Variants in TGFB1 observed in about 807,000 individuals in gnomAD.
TGFB1 encodes the protein transforming growth factor beta-1 proprotein.
TGFB1 carries 19 observed loss-of-function variants against 43.8 expected under a neutral mutation model. That is an observed-to-expected ratio of 0.43 (90% CI 0.30 to 0.64). TGFB1 has a LOEUF of 0.64. Ranked by LOEUF, TGFB1 falls within the 30% of genes least tolerant of loss-of-function variation. The pLI, the probability that TGFB1 is intolerant of heterozygous loss-of-function variation, is 0.11. For missense variants in TGFB1, 445 were observed against 529.8 expected (o/e 0.84, Z 1.57); for synonymous variants, 221 against 236.3 (o/e 0.94, Z 0.60).
intron 5 of TGFB1, among the ~76,000 whole-genome samples, chr19:41,333,095 TCAGA>T (rs2037951519): frequency 3.3e-5 from 5 of 152,006 alleles, no homozygotes; most frequent in Admixed American, 6.5e-5. Context: ...TGTCTGTTCC[TCAGA>T]CAGTCTTATT....
chr19:41,342,112 G>A, intron 4 of TGFB1, 58 bp downstream of exon 4: 2 of 1,612,326 alleles, frequency 1.2e-6, no homozygotes, highest in Non-Finnish European at 8.5e-7. Flanking sequence ...TGGGGCAGAT[G>A]GGAACACACA....
rs59416536 is a variant in TGFB1 at position 41,348,575 on chromosome 19, TTTTA to T, written c.356-124_356-121del. 0.26 allele frequency: 73,056 copies of T among 285,752 alleles called. 16,331 individuals are homozygous for T. Among genetic ancestry groups the T allele is most frequent in the Admixed American group, 0.44 (7,673 of 17,338 alleles). 17.7% of individuals were successfully genotyped at this position (285,752 alleles called of 1,614,324 possible). On this transcript the variant is annotated intron_variant, in intron 1 of 6. Coordinates refer to ENST00000221930, the MANE Select transcript of TGFB1 (RefSeq NM_000660.7). ...TGGGGTGGAGTCAGTCTCTGATACC[TTTTA>T]TTTATTTATTTATTTATTTATTTAT...
chr19:41,344,906 G>A, intron 2 of TGFB1, 42 bp from the exon 3 acceptor site: 1 of 1,508,328 alleles, frequency 6.6e-7, no homozygotes, highest in Non-Finnish European at 9.0e-7. Context: ...TGGGTAGATG[G>A]TGTCACGACC....
At chr19:41,350,145 C>T (rs1259314277) in intron 1 of TGFB1, among the ~76,000 whole-genome samples, 1 of 152,018 alleles carries the variant, frequency 6.6e-6, no homozygotes, top group African/African-American at 2.4e-5. Context: ...CACACCCACC[C>T]AGCTAGAGAC....
rs1317761935 is a variant in TGFB1, at chr19:41,353,338, G to A, written c.-294C>T. The A allele has an allele frequency of 8.0e-6, 3 of 376,602 alleles. No individual in the cohort carries two copies. Among genetic ancestry groups the A allele is most frequent in the Non-Finnish European group, 1.4e-5 (3 of 208,920 alleles). The allele number at this position is 376,602 out of a possible 1,614,324, so 23.3% of individuals were successfully genotyped here. A position where few individuals can be genotyped will look rare whatever the true frequency, so the allele number is the denominator to read the frequency against. On this transcript the variant is annotated 5_prime_UTR_variant, in exon 1 of 7. Transcript: ENST00000221930. The surrounding 1 kb of genome is among the most constrained non-coding windows in gnomAD (Gnocchi z 5.9). ...GAGATCCGTCTCCTGGAGGAGAAAG[G>A]GTCTAGGATGCGCGGGGGCTCAGGA...
chr19:41,337,467 G>C (rs918148686), intron 5 of TGFB1, among the ~76,000 whole-genome samples: 25 of 151,682 alleles, frequency 1.6e-4, no homozygotes, highest in African/African-American at 5.8e-4. Flanking sequence ...AGTACAGACA[G>C]GGTTTCACCA....
intron 5 of TGFB1, among the ~76,000 whole-genome samples, chr19:41,338,051 G>A (rs1166275354): frequency 6.6e-6 from 1 of 151,480 alleles, no homozygotes; most frequent in East Asian, 1.9e-4. Context: ...AATTACCCGG[G>A]TGCGATGGCG....
At chr19:41,332,008 T>G in intron 6 of TGFB1, 120 bp downstream of exon 6, 3 of 983,096 alleles carry the variant, frequency 3.1e-6, no homozygotes, top group Non-Finnish European at 4.5e-6. Flanking sequence ...CCCCACCCCA[T>G]CCCTCTCTTT....
At chr19:41,346,083 G>A (rs1002842450) in intron 2 of TGFB1, among the ~76,000 whole-genome samples, 2 of 152,066 alleles carry the variant, frequency 1.3e-5, no homozygotes, top group African/African-American at 4.8e-5. Flanking sequence ...AGGCACAGTC[G>A]CTCACGCTTG....
intron 5 of TGFB1, among the ~76,000 whole-genome samples, chr19:41,334,953 A>G (rs1233443587): frequency 6.6e-6 from 1 of 151,686 alleles, no homozygotes; most frequent in Non-Finnish European, 1.5e-5. Context: ...TCATATGCAC[A>G]TGTGTGTATG....
intron 6 of TGFB1, among the ~76,000 whole-genome samples, chr19:41,331,434 G>T (rs1489220011): frequency 6.6e-6 from 1 of 151,900 alleles, no homozygotes; most frequent in Non-Finnish European, 1.5e-5. Context: ...ACTGGGTCTC[G>T]CTCTGCCACC....
At chr19:41,332,363 G>A in intron 5 of TGFB1, 82 bp from the exon 6 acceptor site, 1 of 1,519,336 alleles carries the variant, frequency 6.6e-7, no homozygotes, top group Non-Finnish European at 8.9e-7. Flanking sequence ...AGGTGCGTGT[G>A]TCACCCTAGG....
chr19:41,350,399 G>C (rs1304129180), intron 1 of TGFB1, among the ~76,000 whole-genome samples: 1 of 150,568 alleles, frequency 6.6e-6, no homozygotes, highest in Non-Finnish European at 1.5e-5. Context: ...CTGCCTCCCA[G>C]GTTCAAGCGA....
intron 4 of TGFB1, 30 bp from the exon 5 acceptor site, chr19:41,342,060 G>C: frequency 6.2e-7 from 1 of 1,614,180 alleles, no homozygotes; most frequent in Non-Finnish European, 8.5e-7. Flanking sequence ...AGGGGATAGG[G>C]GACATACACA....
chr19:41,346,219 G>A (rs1050228024), intron 2 of TGFB1, among the ~76,000 whole-genome samples: 2 of 151,968 alleles, frequency 1.3e-5, no homozygotes, highest in Non-Finnish European at 2.9e-5. Flanking sequence ...GTGTGGTGGT[G>A]CATGCCTGTA....
At position 41,341,994 on chromosome 19, in the gene TGFB1, A is replaced by C. The variant is rs757193903; in HGVS notation, c.749T>G (p.Ile250Ser). The C allele has an allele frequency of 3.1e-6, 5 of 1,614,096 alleles. No homozygotes were observed. The highest frequency in any genetic ancestry group is 2.7e-5 in the African/African-American group (2 of 74,930). Reference protein sequence around the residue: ...TTGRRGDLATIHGMNRPFLLL... With the variant: ...TTGRRGDLATSHGMNRPFLLL... ...CAGGAAAGGCCGGTTCATGCCATGA[A>C]TGGTGGCCAGGTCACCTCGGCGGCC... The change falls in exon 5 of 7, where the codon ATT becomes AGT. Residue 250 changes from isoleucine to serine, a missense_variant. This residue lies in a region of TGFB1 where 366 missense variants were observed against 428.8 expected (regional missense o/e 0.85). Transcript: ENST00000221930.
intron 1 of TGFB1, among the ~76,000 whole-genome samples, chr19:41,349,726 C>A (rs1054096857): frequency 6.6e-6 from 1 of 152,226 alleles, no homozygotes; most frequent in East Asian, 1.9e-4. Context: ...CACTGCACTC[C>A]AGCCTGGGTG....
chr19:41,353,135 C>T lies in TGFB1; in HGVS notation c.-91G>A, dbSNP rs199968369. The T allele has an allele frequency of 7.1e-7, 1 of 1,405,914 alleles. No individual in the cohort carries two copies. Among genetic ancestry groups the T allele is most frequent in the Non-Finnish European group, 9.2e-7 (1 of 1,082,988 alleles). The allele number at this position is 1,405,914 out of a possible 1,614,324, so 87.1% of individuals were successfully genotyped here. A position where few individuals can be genotyped will look rare whatever the true frequency, so the allele number is the denominator to read the frequency against. On this transcript the variant is annotated 5_prime_UTR_variant, in exon 1 of 7. Transcript: ENST00000221930. This position sits in a 1 kb window ranked among gnomAD's most constrained non-coding sequence, Gnocchi z 5.9. ...GCCCCTGCAGGGGCTGGGGGTCTCC[C>T]GGCAAAAGGTAGGAGGGCCTCGAGG...
chr19:41,353,089 C>T lies in TGFB1; in HGVS notation c.-45G>A, dbSNP rs140027851. The T allele has an allele frequency of 2.0e-6, 3 of 1,474,918 alleles. No individual in the cohort carries two copies. Among genetic ancestry groups the T allele is most frequent in the Non-Finnish European group, 2.7e-6 (3 of 1,118,280 alleles). The allele number at this position is 1,474,918 out of a possible 1,614,324, so 91.4% of individuals were successfully genotyped here. On this transcript the variant is annotated 5_prime_UTR_variant, in exon 1 of 7. Coordinates refer to ENST00000221930, the MANE Select transcript of TGFB1 (RefSeq NM_000660.7). The surrounding 1 kb of genome is among the most constrained non-coding windows in gnomAD (Gnocchi z 5.9). The stretch of plus-strand genomic sequence containing the variant: ...GGCACTGCCGAGAGCGCGAACAGGG[C>T]TGGTGTGGTGGGGAGGCCCCGCCCC...
Sources: allele counts gnomAD v4.1 joint callset (sites outside exome capture counted in the v4.1 genomes callset), GRCh38; gene constraint gnomAD v4.1.1; regional missense constraint gnomAD v4.1.1; non-coding constraint Gnocchi (gnomAD v3.1); transcripts MANE v1.5; gene names NCBI Gene and HGNC (gene_info 2026-07-23, HGNC 2026-07-21).